DDX60: variants seen among roughly 807,000 people sequenced by gnomAD.
The protein encoded by DDX60 is probable ATP-dependent RNA helicase DDX60.
DDX60 carries 165 observed loss-of-function variants against 212.8 expected under a neutral mutation model. That is an observed-to-expected ratio of 0.78 (90% CI 0.68 to 0.88). The LOEUF is 0.88. Ranked by LOEUF, DDX60 falls within the 40% of genes least tolerant of loss-of-function variation. DDX60 has a pLI of 0.00. For missense variants in DDX60, 1,905 were observed against 2,003.9 expected (o/e 0.95, Z 0.94); for synonymous variants, 703 against 685.3 (o/e 1.03, Z -0.40).
intron 17 of DDX60, among the ~76,000 whole-genome samples, 159 bp downstream of exon 17, chr4:168,273,775 G>A (rs142520707): frequency 4.5e-4 from 69 of 152,246 alleles, no homozygotes; most frequent in African/African-American, 1.6e-3. Flanking sequence ...GTGTATGTAT[G>A]TGTATATGTA....
At chr4:168,236,411 G>C (rs1414013947) in intron 32 of DDX60, 38 bp from the exon 33 acceptor site, 2 of 1,496,650 alleles carry the variant, frequency 1.3e-6, no homozygotes, top group South Asian at 2.6e-5. Context: ...AATATGAAAG[G>C]GTATAATTCT....
At chr4:168,285,892 GAAGA>G (rs1479720965) in intron 10 of DDX60, among the ~76,000 whole-genome samples, 9 of 120,654 alleles carry the variant, frequency 7.5e-5, no homozygotes, top group Admixed American at 1.7e-4. Context: ...AGGAAGGAGG[GAAGA>G]AAGGAAGGAA....
chr4:168,255,303 C>T (rs957267183), intron 26 of DDX60, among the ~76,000 whole-genome samples: 1 of 152,200 alleles, frequency 6.6e-6, no homozygotes, highest in African/African-American at 2.4e-5. Flanking sequence ...ACTCACAAAA[C>T]TGTGATGTTA....
chr4:168,306,743 C>A (rs1360165510), intron 4 of DDX60, 23 bp from the exon 5 acceptor site: 6 of 1,520,874 alleles, frequency 3.9e-6, no homozygotes, highest in Non-Finnish European at 5.4e-6. Flanking sequence ...AGGTGAAGTA[C>A]ATTTTATTTC....
chr4:168,276,244 C>A, intron 14 of DDX60, 63 bp from the exon 15 acceptor site: 2 of 1,366,032 alleles, frequency 1.5e-6, no homozygotes, highest in Non-Finnish European at 2.0e-6. Context: ...ATTTGATTAC[C>A]CAAGATTAAT....
At chr4:168,254,038 C>T (rs1734317503) in intron 26 of DDX60, among the ~76,000 whole-genome samples, 1 of 152,226 alleles carries the variant, frequency 6.6e-6, no homozygotes, top group Non-Finnish European at 1.5e-5. Flanking sequence ...AAGGGCCTGG[C>T]CCTAAAATTT....
intron 6 of DDX60, among the ~76,000 whole-genome samples, chr4:168,297,301 A>G (rs866147074): frequency 1.3e-3 from 9 of 6,976 alleles, no homozygotes; most frequent in African/African-American, 3.8e-3. Context: ...GAGAGACGAA[A>G]GAAAGAAAGA....
At chr4:168,258,145 C>CTTTCAT (rs1734489696) in intron 25 of DDX60, among the ~76,000 whole-genome samples, 1 of 22,244 alleles carries the variant, frequency 4.5e-5, no homozygotes, top group Non-Finnish European at 9.5e-5. Context: ...TCCTGGTATA[C>CTTTCAT]AAGAATGAAT....
chr4:168,258,309 T>C (rs1179100309), intron 25 of DDX60, among the ~76,000 whole-genome samples: 1 of 152,178 alleles, frequency 6.6e-6, no homozygotes, highest in Admixed American at 6.5e-5. Flanking sequence ...CTTAAAGTCA[T>C]TAAGTAGCTG....
intron 25 of DDX60, among the ~76,000 whole-genome samples, chr4:168,256,297 AG>A (rs1363297393): frequency 3.9e-5 from 6 of 152,176 alleles, no homozygotes; most frequent in Admixed American, 3.9e-4. Context: ...GAGAAAAAAA[AG>A]ATTAATCAAC....
chr4:168,236,748 T>C (rs1482970116), intron 32 of DDX60, among the ~76,000 whole-genome samples: 4 of 151,866 alleles, frequency 2.6e-5, no homozygotes, highest in East Asian at 1.9e-4. Flanking sequence ...TTACTCAATA[T>C]GGATAAAATT....
chr4:168,315,180 A>G (rs1359112792), intron 1 of DDX60, among the ~76,000 whole-genome samples: 2 of 152,220 alleles, frequency 1.3e-5, no homozygotes, highest in Non-Finnish European at 2.9e-5. Flanking sequence ...TGTGTTTTCA[A>G]GCTACTTAAA....
intron 8 of DDX60, among the ~76,000 whole-genome samples, chr4:168,290,888 G>T (rs1369913397): frequency 6.6e-6 from 1 of 152,062 alleles, no homozygotes; most frequent in Non-Finnish European, 1.5e-5. Context: ...TTGTGGACTG[G>T]CTTCCTAGTT....
rs372588128 is a variant in DDX60, at chr4:168,225,520, T to C, written c.4681+9A>G. ...AAATTGTTCCACAATGGAGGTAAAATATACTTACTGATTTTTGACAATGGG... is the reference window on the plus strand; with the variant it reads ...AAATTGTTCCACAATGGAGGTAAAACATACTTACTGATTTTTGACAATGGG... On this transcript the variant is annotated intron_variant, in intron 34 of 37. Transcript: ENST00000393743. 6.9e-6 allele frequency: 11 copies of C among 1,600,020 alleles called. No homozygotes were observed. The South Asian group carries it at 9.0e-5, about 13-fold the overall frequency.
intron 8 of DDX60, among the ~76,000 whole-genome samples, chr4:168,289,288 C>T (rs1735987813): frequency 6.6e-6 from 1 of 152,170 alleles, no homozygotes; most frequent in African/African-American, 2.4e-5. Context: ...TTACAATCCT[C>T]TATAGCAGCT....
intron 22 of DDX60, among the ~76,000 whole-genome samples, chr4:168,266,966 C>T (rs1220386683): frequency 6.6e-6 from 1 of 152,040 alleles, no homozygotes; most frequent in Non-Finnish European, 1.5e-5. Context: ...AGAAGGAAGA[C>T]AAAACTATTG....
intron 30 of DDX60, among the ~76,000 whole-genome samples, chr4:168,243,438 G>C (rs2149500078): frequency 6.6e-6 from 1 of 152,150 alleles, no homozygotes; most frequent in South Asian, 2.1e-4. Flanking sequence ...CCATTAAATA[G>C]TGGGCAAAGG....
chr4:168,297,398 AAGAAAGAC>A (rs1736449804), intron 6 of DDX60, among the ~76,000 whole-genome samples: 1 of 145,350 alleles, frequency 6.9e-6, no homozygotes, highest in African/African-American at 2.6e-5. Context: ...GAAAGAAAGA[AAGAAAGAC>A]AATAAATAAT....
chr4:168,269,525 C>A (rs1267224105), intron 19 of DDX60, among the ~76,000 whole-genome samples: 1 of 151,888 alleles, frequency 6.6e-6, no homozygotes, highest in Non-Finnish European at 1.5e-5. Flanking sequence ...GGCGTGAACC[C>A]GGAAGGCAGA....
Sources: allele counts gnomAD v4.1 joint callset (sites outside exome capture counted in the v4.1 genomes callset), GRCh38; gene constraint gnomAD v4.1.1; transcripts MANE v1.5; gene names NCBI Gene and HGNC (gene_info 2026-07-23, HGNC 2026-07-21).